The following SERPINA1 variants were observed in gnomAD, a reference collection of about 807,000 sequenced individuals.
The protein encoded by SERPINA1 is serpin family A member 1, also known as alpha-1-antitrypsin.
SERPINA1 carries 21 observed loss-of-function variants against 25.4 expected under a neutral mutation model. That is an observed-to-expected ratio of 0.83 (90% confidence interval 0.59 to 1.19). The LOEUF is 1.19. SERPINA1 is among the 50% of genes most tolerant of loss of function. The pLI, the probability that SERPINA1 is intolerant of heterozygous loss-of-function variation, is 0.00. For missense variants in SERPINA1, 546 were observed against 509.0 expected (o/e 1.07, Z -0.70); for synonymous variants, 218 against 211.1 (o/e 1.03, Z -0.29).
chr14:94,378,598 C>T lies in SERPINA1; in HGVS notation c.1108G>A (p.Glu370Lys), dbSNP rs756871122. The change falls in exon 5 of 5, where the codon GAA becomes AAA. Residue 370 changes from glutamate to lysine, a missense_variant. By Grantham distance (56) the Glu-to-Lys change is moderately conservative (BLOSUM62 1). Transcript: ENST00000393087. ...TCTAAAAACATGGCCCCAGCAGCTT[C>T]AGTCCCTTTCTCGTCGATGGTCAGC... The part of the protein sequence containing the change: ...AVLTIDEKGT[E>K]AAGAMFLEAI... The T allele has an allele frequency of 1.4e-5, 23 of 1,614,070 alleles. No homozygotes were observed. Among genetic ancestry groups the T allele is most frequent in the African/African-American group, 1.3e-5 (1 of 74,910 alleles).
rs1896483102 is a variant in SERPINA1, at chr14:94,378,003, GC to G, written c.*445del. 4.9e-6 allele frequency: 1 copy of G among 203,076 alleles called. No homozygotes were observed. The highest frequency in any genetic ancestry group is 2.3e-5 in the African/African-American group (1 of 42,916). The allele number at this position is 203,076 out of a possible 1,614,324, so 12.6% of individuals were successfully genotyped here. ...GGCAGCCTTGGGGTGGGCACAGCCA[GC>G]CCTGGCAGGATGAGCAACTCTGGGT... On this transcript the variant is annotated 3_prime_UTR_variant, in exon 5 of 5. Transcript: ENST00000393087.
At position 94,381,116 on chromosome 14, in the gene SERPINA1, G is replaced by T; in HGVS notation, c.672C>A (p.Val224=). The T allele has an allele frequency of 6.2e-7, 1 of 1,613,226 alleles. No individual in the cohort carries two copies. Among genetic ancestry groups the T allele is most frequent in the Non-Finnish European group, 8.5e-7 (1 of 1,179,984 alleles). The change falls in exon 3 of 5, where the codon GTC becomes GTA. Residue 224 remains valine (V), a synonymous_variant. Coordinates refer to ENST00000393087, the MANE Select transcript of SERPINA1 (RefSeq NM_000295.5). ...GGAAGTCCTCTTCCTCGGTGTCCTT[G>T]ACTTCAAAGGGTCTCTCCCATTTGC... The part of the protein sequence containing the change: ...FKGKWERPFE[V]KDTEEEDFHV...
At chr14:94,385,501 G>A (rs1327237184) in intron 1 of SERPINA1, among the ~76,000 whole-genome samples, 1 of 152,222 alleles carries the variant, frequency 6.6e-6, no homozygotes, top group Non-Finnish European at 1.5e-5. Context: ...GCTAATTTTT[G>A]TATTTTTAGT....
At chr14:94,390,477 T>C, upstream of SERPINA1, 1 of 152,562 alleles carries the variant, frequency 6.6e-6, no homozygotes, top group Non-Finnish European at 1.5e-5. Context: ...CTCCTCAAGC[T>C]CTCCTCAAGC....
At chr14:94,389,511 T>A (rs1490163701), upstream of SERPINA1, 1 of 152,178 alleles carries the variant, frequency 6.6e-6, no homozygotes, top group Non-Finnish European at 1.5e-5. Flanking sequence ...GCTTGGAGTT[T>A]CTTTGGATAC....
intron 4 of SERPINA1, among the ~76,000 whole-genome samples, 187 bp from the exon 5 acceptor site, chr14:94,378,827 G>A (rs1421530555): frequency 2.0e-5 from 3 of 152,204 alleles, no homozygotes; most frequent in Non-Finnish European, 4.4e-5. Flanking sequence ...GCTCCCCTCT[G>A]TCCATCTTCC....
chr14:94,382,663 T>A lies in SERPINA1; in HGVS notation c.575A>T (p.Lys192Ile), dbSNP rs1281058408. ...AAGCTCCTTGACCAAATCCACAATT[T>A]TCCCTTGAGTACCCTTCTCCACGTA... ...NDYVEKGTQG[K>I]IVDLVKELDR... The change falls in exon 2 of 5, where the codon AAA becomes ATA. Residue 192 changes from lysine (K) to isoleucine (I), a missense_variant. Transcript: ENST00000393087. The A allele has an allele frequency of 6.2e-7, 1 of 1,614,272 alleles. No individual in the cohort carries two copies. The highest frequency in any genetic ancestry group is 1.7e-5 in the Admixed American group (1 of 60,030).
intron 3 of SERPINA1, among the ~76,000 whole-genome samples, chr14:94,380,477 C>T (rs1303663211): frequency 6.6e-6 from 1 of 152,234 alleles, no homozygotes; most frequent in Non-Finnish European, 1.5e-5. Flanking sequence ...CCCCCAGGGA[C>T]ATTCTACCCT....
intron 1 of SERPINA1, among the ~76,000 whole-genome samples, chr14:94,387,848 G>A (rs527591040): frequency 1.3e-5 from 2 of 152,118 alleles, no homozygotes; most frequent in African/African-American, 4.8e-5. Flanking sequence ...GCTTAATCAC[G>A]CACTGAGCTT....
intron 1 of SERPINA1, among the ~76,000 whole-genome samples, chr14:94,388,075 C>G (rs756010132): frequency 6.6e-6 from 1 of 152,052 alleles, no homozygotes; most frequent in Non-Finnish European, 1.5e-5. Flanking sequence ...TTCCTCCCCA[C>G]CCCTCTCTGG....
At position 94,382,810 on chromosome 14, in the gene SERPINA1, A is replaced by T. The variant is rs1223975325; in HGVS notation, c.428T>A (p.Phe143Tyr). 1.2e-6 allele frequency: 2 copies of T among 1,614,128 alleles called. No individual in the cohort carries two copies. Among genetic ancestry groups the T allele is most frequent in the African/African-American group, 2.7e-5 (2 of 74,938 alleles). ...QLQLTTGNGLFLSEGLKLVDK... is the reference protein window; with the variant it reads ...QLQLTTGNGLYLSEGLKLVDK... ...CACTAGCTTCAGGCCCTCGCTGAGG[A>T]ACAGGCCATTGCCGGTGGTCAGCTG... Residue 143 changes from phenylalanine (F) to tyrosine (Y), a missense_variant, in exon 2 of 5, where the codon TTC becomes TAC. Coordinates refer to ENST00000393087, the MANE Select transcript of SERPINA1 (RefSeq NM_000295.5).
rs989289785 is a variant in SERPINA1, at chr14:94,382,541, T to C, written c.646+51A>G. ...AGTTCAAGAACTGATGGTTTGAGAA[T>C]ATTTTTGCTTGTTTCTATGGGAACA... On this transcript the variant is annotated intron_variant, in intron 2 of 4. Transcript: ENST00000393087. The C allele has an allele frequency of 3.1e-6, 5 of 1,611,278 alleles. No homozygotes were observed. The African/African-American group carries it at 5.3e-5, about 17-fold the overall frequency.
rs1481683074 is a variant in SERPINA1, at chr14:94,380,710, T to C, written c.917+161A>G. On this transcript the variant is annotated intron_variant, in intron 3 of 4. Transcript: ENST00000393087. ...CATGGATGGCGCTGCCTGAACTCAG[T>C]GGTGGCCTCATTCTGGAAGCCAAGT... 4.7e-6 allele frequency: 4 copies of C among 858,992 alleles called. No individual in the cohort carries two copies. The African/African-American group carries it at 6.6e-5, about 14-fold the overall frequency. 53.2% of individuals were successfully genotyped at this position (858,992 alleles called of 1,614,324 possible).
At chr14:94,379,373 C>T (rs546886673) in intron 4 of SERPINA1, 91 bp downstream of exon 4, 2 of 1,563,242 alleles carry the variant, frequency 1.3e-6, no homozygotes, top group Non-Finnish European at 1.8e-6. Flanking sequence ...TTTCCCTCGG[C>T]CCCTTCCTCA....
intron 2 of SERPINA1, 33 bp from the exon 3 acceptor site, chr14:94,381,174 G>A: frequency 1.2e-6 from 2 of 1,603,572 alleles, no homozygotes; most frequent in South Asian, 1.1e-5. Flanking sequence ...ATCACCAGGG[G>A]TGAGTGAAGG....
chr14:94,381,379 T>C (rs1228097096), intron 2 of SERPINA1, among the ~76,000 whole-genome samples: 1 of 152,176 alleles, frequency 6.6e-6, no homozygotes, highest in Non-Finnish European at 1.5e-5. Context: ...TTCTACATCG[T>C]GGCGATGTCA....
In SERPINA1 at chr14:94,385,697, T is replaced by C. The variant is rs2854257; in HGVS notation, c.-4-2456A>G. On this transcript the variant is annotated intron_variant, in intron 1 of 4. Transcript: ENST00000393087. ...GATGGAGAATTCCCATGGCTAGGCATGAGACAGGTGCCCTCCTAGACAGGG... is the reference window on the plus strand; with the variant it reads ...GATGGAGAATTCCCATGGCTAGGCACGAGACAGGTGCCCTCCTAGACAGGG... 2.6e-5 allele frequency among the ~76,000 whole-genome samples: 4 copies of C among 152,200 alleles called. No individual in the cohort carries two copies. The South Asian group carries it at 8.3e-4, about 32-fold the overall frequency.
intron 3 of SERPINA1, 191 bp downstream of exon 3, chr14:94,380,680 T>A: frequency 4.2e-6 from 3 of 706,802 alleles, no homozygotes; most frequent in East Asian, 5.3e-5. Context: ...GTCCTCCTCA[T>A]GGAGCATGGA....
Position 94,383,134 on chromosome 14 carries a change from G to T in SERPINA1, c.104C>A (p.Thr35Lys). The T allele has an allele frequency of 3.7e-6, 6 of 1,614,246 alleles. No homozygotes were observed. Among genetic ancestry groups the T allele is most frequent in the Non-Finnish European group, 5.1e-6 (6 of 1,180,042 alleles). Residue 35 changes from threonine to lysine, a missense_variant, in exon 2 of 5, where the codon ACA becomes AAA. Transcript: ENST00000393087. ...EDPQGDAAQK[T>K]DTSHHDQDHP... The stretch of plus-strand genomic sequence containing the variant: ...ATCCTGATCATGGTGGGATGTATCT[G>T]TCTTCTGGGCAGCATCTCCCTGGGG...
Sources: gnomAD v4.1 joint callset for allele counts (sites outside exome capture counted in the v4.1 genomes callset) on GRCh38, gnomAD v4.1.1 for gene constraint, MANE v1.5 for transcripts, NCBI Gene and HGNC (gene_info 2026-07-23, HGNC 2026-07-21) for gene names.